RYR1: variants seen among roughly 807,000 people sequenced by gnomAD.
RYR1 encodes the protein central core disease of muscle.
Under a neutral mutation model 583.5 loss-of-function variants are expected in RYR1, and 342 were observed. The ratio of observed to expected loss-of-function variants is 0.59; its 90% CI spans 0.54 to 0.64. The LOEUF (loss-of-function observed/expected upper bound fraction) is 0.64. Among genes scored for constraint, RYR1 ranks in the 30% least tolerant of loss-of-function variants. The probability of loss-of-function intolerance (pLI) is 0.00; values close to 1 mark genes in which losing one functional copy is unlikely to be tolerated. For missense variants in RYR1, 6,032 were observed against 6,917.2 expected, an observed-to-expected ratio of 0.87 and a Z score of 4.54; for synonymous variants, 2,791 against 2,822.5, an observed-to-expected ratio of 0.99 and a Z score of 0.35.
chr19:38,464,416 G>T (rs1224131885), intron 22 of RYR1, among the ~76,000 whole-genome samples: 2 of 151,952 alleles, frequency 1.3e-5, no homozygotes, highest in Admixed American at 1.3e-4. Context: ...ACAGGAGAAA[G>T]TGGCAGACAG....
Position 38,501,003 on chromosome 19 carries a change from G to T in RYR1, c.7614+13G>T. On this transcript the variant is annotated intron_variant, in intron 47 of 105. Coordinates refer to ENST00000359596, the MANE Select transcript of RYR1 (RefSeq NM_000540.3). ...CTCGCTGGACACGGTGAGCAACCCT[G>T]CCCAGCCTGGCCACCCTCCCCACTT... 2 of 1,611,046 alleles carry T rather than the reference G, an allele frequency of 1.2e-6. No individual in the cohort carries two copies.
intron 67 of RYR1, among the ~76,000 whole-genome samples, chr19:38,520,862 A>G (rs547457912): frequency 1.1e-4 from 16 of 152,314 alleles, no homozygotes; most frequent in African/African-American, 1.4e-4. Context: ...GGAGTGAACA[A>G]GTTGTTTCTA....
rs947866921 is a variant in RYR1 at position 38,566,939 on chromosome 19, C to T, written c.13466C>T (p.Pro4489Leu). The T allele has an allele frequency of 3.1e-6, 5 of 1,606,426 alleles. No individual in the cohort carries two copies. The highest frequency in any genetic ancestry group is 4.2e-6 in the Non-Finnish European group (5 of 1,176,836). Residue 4489 changes from proline (P) to leucine (L), a missense_variant, in exon 92 of 106, where the codon CCA becomes CTA. Coordinates refer to ENST00000359596, the MANE Select transcript of RYR1 (RefSeq NM_000540.3). ...GATGGAGTGGAGGAGGAGCTCCCGC[C>T]AGAGCCAGAGCCCGAGCCGGAACCA... ...GVDGVEEELP[P>L]EPEPEPEPEL...
Position 38,519,272 on chromosome 19 carries a change from C to T in RYR1, c.10077C>T (p.Ile3359=). The T allele has an allele frequency of 6.2e-7, 1 of 1,614,128 alleles. No homozygotes were observed. The highest frequency in any genetic ancestry group is 1.7e-5 in the Admixed American group (1 of 60,018). ...CGGAGCTCCTGCAGTCCCACTTCAT[C>T]CCAACTATCGGGCGGCTGCGCAAGA... is the stretch of plus-strand genomic sequence containing the variant. The part of the protein sequence containing the change: ...ARPELLQSHF[I]PTIGRLRKRA... Residue 3359 remains isoleucine (I), a synonymous_variant, in exon 67 of 106, where the codon ATC becomes ATT. Transcript: ENST00000359596.
chr19:38,523,371 C>T, intron 69 of RYR1, 62 bp downstream of exon 69: 1 of 1,599,198 alleles, frequency 6.3e-7, no homozygotes, highest in Admixed American at 1.7e-5. Context: ...TCTAGGACTT[C>T]CTACCTGGCC....
At position 38,496,683 on chromosome 19, in the gene RYR1, G is replaced by A. The variant is rs1179573071; in HGVS notation, c.6796+142G>A. On this transcript the variant is annotated intron_variant, in intron 41 of 105. Coordinates refer to ENST00000359596, the MANE Select transcript of RYR1 (RefSeq NM_000540.3). The surrounding 1 kb of genome is among the most constrained non-coding windows in gnomAD (Gnocchi z 4.8). ...TTCTGGCCCTGTAATGAGTAATGCT[G>A]GGGACACAATAGTGACCCCAATAGT... 2.4e-6 allele frequency: 3 copies of A among 1,226,468 alleles called. No individual in the cohort carries two copies. The highest frequency in any genetic ancestry group is 1.9e-5 in the Admixed American group (1 of 53,654). 76.0% of individuals were successfully genotyped at this position (1,226,468 alleles called of 1,614,324 possible).
At position 38,472,517 on chromosome 19, in the gene RYR1, G is replaced by A. The variant is rs564071016; in HGVS notation, c.3766-860G>A. ...GACTTTATTCATCAAAACTAGTCAT[G>A]GAGAAGTGACCGGATTCCCATCCGA... is the stretch of plus-strand genomic sequence containing the variant. On this transcript the variant is annotated intron_variant, in intron 27 of 105. Coordinates refer to ENST00000359596, the MANE Select transcript of RYR1 (RefSeq NM_000540.3). Among the ~76,000 whole-genome samples the A allele has an allele frequency of 2.6e-5, 4 of 152,274 alleles. No homozygotes were observed. The East Asian group carries it at 7.7e-4, about 29-fold the overall frequency.
chr19:38,534,899 G>T, intron 79 of RYR1, 80 bp downstream of exon 79: 1 of 1,475,062 alleles, frequency 6.8e-7, no homozygotes, highest in South Asian at 1.2e-5. Flanking sequence ...ATTCCCTGTG[G>T]ACCCATTTGC....
chr19:38,483,217 G>T lies in RYR1; in HGVS notation c.4708-73G>T. 6.3e-7 allele frequency: 1 copy of T among 1,586,908 alleles called. No homozygotes were observed. The highest frequency in any genetic ancestry group is 8.6e-7 in the Non-Finnish European group (1 of 1,161,454). On this transcript the variant is annotated intron_variant, in intron 32 of 105. Coordinates refer to ENST00000359596, the MANE Select transcript of RYR1 (RefSeq NM_000540.3). The surrounding 1 kb of genome is among the most constrained non-coding windows in gnomAD (Gnocchi z 6.3). ...TGAAGGGGAGGGGGCAATCCAAGAGGTCTCCCTGGAAGTGGTGTGGTGGGA... is the reference window on the plus strand; with the variant it reads ...TGAAGGGGAGGGGGCAATCCAAGAGTTCTCCCTGGAAGTGGTGTGGTGGGA...
intron 1 of RYR1, among the ~76,000 whole-genome samples, chr19:38,436,400 G>C (rs576198417): frequency 3.0e-4 from 45 of 152,066 alleles, no homozygotes; most frequent in African/African-American, 1.0e-3. Flanking sequence ...GTAGAGGTGA[G>C]GTCTCACTAT....
At position 38,435,346 on chromosome 19, in the gene RYR1, C is replaced by T. The variant is rs185936514; in HGVS notation, c.45+1472C>T. Among the ~76,000 whole-genome samples the T allele has an allele frequency of 1.0e-3, 153 of 152,294 alleles. 1 individual carries two copies. The highest frequency in any genetic ancestry group is 8.7e-3 in the South Asian group (42 of 4,830). ...GGCCCAGACTTGCCAAAGTAGTCAG[C>T]GTTAGGGTTCTGGAGGCTTGGCCCT... On this transcript the variant is annotated intron_variant, in intron 1 of 105. Coordinates refer to ENST00000359596, the MANE Select transcript of RYR1 (RefSeq NM_000540.3).
At position 38,473,384 on chromosome 19, in the gene RYR1, G is replaced by A. The variant is rs886054381; in HGVS notation, c.3773G>A (p.Arg1258Gln). Residue 1258 changes from arginine to glutamine, a missense_variant, in exon 28 of 106, where the codon CGA (arginine) becomes CAA (glutamine). By Grantham distance (43) the Arg-to-Gln change is conservative. Transcript: ENST00000359596. Reference sequence around the variant, plus strand: ...CATTCCCTGCCACCTCAGGTATCCCGAGTGGACGGCACTGTGGACACGCCC... The same window carrying A: ...CATTCCCTGCCACCTCAGGTATCCCAAGTGGACGGCACTGTGGACACGCCC... Reference protein sequence around the residue: ...PLEHPHYEVSRVDGTVDTPPC... With the variant: ...PLEHPHYEVSQVDGTVDTPPC... The A allele has an allele frequency of 5.6e-6, 9 of 1,613,770 alleles. No homozygotes were observed. Among genetic ancestry groups the A allele is most frequent in the African/African-American group, 2.7e-5 (2 of 74,992 alleles).
chr19:38,506,103 G>A (rs1416334020), intron 54 of RYR1, among the ~76,000 whole-genome samples, 157 bp downstream of exon 54: 1 of 151,816 alleles, frequency 6.6e-6, no homozygotes. Context: ...AAAGGAGAGG[G>A]CAGGGGTCTG....
At chr19:38,490,762 C>T (rs772942081) in intron 37 of RYR1, 30 bp downstream of exon 37, 7 of 1,423,332 alleles carry the variant, frequency 4.9e-6, no homozygotes, top group Non-Finnish European at 7.0e-6. Flanking sequence ...GAGTCCTCCC[C>T]ATGCTAACTT....
At chr19:38,557,435 G>GGT (rs2145818873) in intron 89 of RYR1, among the ~76,000 whole-genome samples, 1 of 152,334 alleles carries the variant, frequency 6.6e-6, no homozygotes, top group Admixed American at 6.5e-5. Context: ...GAGTGAGCAG[G>GGT]GTGTGGTAAG....
At chr19:38,569,292 C>T (rs1240859270) in intron 93 of RYR1, among the ~76,000 whole-genome samples, 1 of 152,270 alleles carries the variant, frequency 6.6e-6, no homozygotes, top group Non-Finnish European at 1.5e-5. Context: ...CAGGCGTGAG[C>T]CACTGCACCT....
intron 1 of RYR1, among the ~76,000 whole-genome samples, chr19:38,435,577 CA>C (rs952890288): frequency 6.6e-6 from 1 of 152,008 alleles, no homozygotes; most frequent in Admixed American, 6.6e-5. Flanking sequence ...ACTAAAAATA[CA>C]AAAAAATATT....
At position 38,490,266 on chromosome 19, in the gene RYR1, C is replaced by A. The variant is rs766458733; in HGVS notation, c.6005C>A (p.Pro2002His). ...CGTACCCGCGAGTTCCGCTCCCCAC[C>A]CCAGGAACAGGTCATCTGACCCCTG... ...ARRTREFRSP[P>H]QEQINMLLQF... Residue 2002 changes from proline to histidine, a missense_variant, in exon 36 of 106, where the codon CCC becomes CAC. Pro to His is a moderately conservative substitution (Grantham distance 77, BLOSUM62 -2). Around this residue, in one of 11 missense-constraint regions of RYR1, gnomAD observed 2,627 missense variants for 2,961.3 expected, o/e 0.89. Transcript: ENST00000359596. The A allele has an allele frequency of 6.2e-7, 1 of 1,613,870 alleles. No homozygotes were observed. The highest frequency in any genetic ancestry group is 8.5e-7 in the Non-Finnish European group (1 of 1,179,906).
At chr19:38,445,680 C>T (rs141175051) in intron 7 of RYR1, among the ~76,000 whole-genome samples, 4 of 152,246 alleles carry the variant, frequency 2.6e-5, no homozygotes, top group South Asian at 2.1e-4. Context: ...CACTTTCCAG[C>T]TTCTGGCCTC....
Sources: allele counts gnomAD v4.1 joint callset (sites outside exome capture counted in the v4.1 genomes callset), GRCh38; gene constraint gnomAD v4.1.1; regional missense constraint gnomAD v4.1.1; non-coding constraint Gnocchi (gnomAD v3.1); transcripts MANE v1.5; gene names NCBI Gene and HGNC (gene_info 2026-07-23, HGNC 2026-07-21).